The following MAP3K4 variants were observed in gnomAD, a reference collection of about 807,000 sequenced individuals.
MAP3K4 encodes the protein MAP three kinase 1.
MAP3K4 carries 67 observed loss-of-function variants against 185.6 expected under a neutral mutation model. That is an observed-to-expected ratio of 0.36 (90% CI 0.30 to 0.44). The LOEUF (loss-of-function observed/expected upper bound fraction) is 0.44, where lower values mean the gene tolerates loss of function less well. Ranked by LOEUF, MAP3K4 falls within the 20% of genes least tolerant of loss-of-function variation. MAP3K4 has a pLI of 1.00. For synonymous variants in MAP3K4, 702 were observed against 710.4 expected (o/e 0.99, Z 0.19); for missense variants, 1,551 against 1,995.1 (o/e 0.78, Z 4.24).
At chr6:161,024,712 G>C (rs938011317) in intron 1 of MAP3K4, among the ~76,000 whole-genome samples, 2 of 152,164 alleles carry the variant, frequency 1.3e-5, no homozygotes, top group East Asian at 3.9e-4. Flanking sequence ...CATATCAGGG[G>C]CACGTGCTGT....
intron 2 of MAP3K4, among the ~76,000 whole-genome samples, chr6:161,047,719 A>G (rs1783800382): frequency 6.6e-6 from 1 of 152,206 alleles, no homozygotes; most frequent in Admixed American, 6.5e-5. Context: ...AGAAGGGACT[A>G]ACTTAAGGAA....
intron 5 of MAP3K4, among the ~76,000 whole-genome samples, chr6:161,078,802 G>C (rs556011406): frequency 2.0e-5 from 3 of 152,196 alleles, no homozygotes; most frequent in African/African-American, 7.2e-5. Context: ...CCGATTAGAA[G>C]TCCATAGGTG....
At position 161,075,105 on chromosome 6, in the gene MAP3K4, T is replaced by C. The variant is rs1466622682; in HGVS notation, c.2097+1493T>C. Among the ~76,000 whole-genome samples, 1 of 152,232 alleles carries C rather than the reference T, an allele frequency of 6.6e-6. No homozygotes were observed. The highest frequency in any genetic ancestry group is 1.5e-5 in the Non-Finnish European group (1 of 68,036). ...CATTTTAATGAGTTAGAAGTTATTC[T>C]CTATATAAAAGACCTGAGTGTGTAA... On this transcript the variant is annotated intron_variant, in intron 5 of 26. Transcript: ENST00000392142. This position sits in a 1 kb window ranked among gnomAD's most constrained non-coding sequence, Gnocchi z 4.3.
chr6:161,018,442 A>G (rs1260767038), intron 1 of MAP3K4, among the ~76,000 whole-genome samples: 1 of 152,244 alleles, frequency 6.6e-6, no homozygotes, highest in Non-Finnish European at 1.5e-5. Flanking sequence ...CATTTGGGAC[A>G]TTCAGTAAAG....
In MAP3K4 at chr6:161,048,726, A is replaced by G. The variant is rs777634514; in HGVS notation, c.454A>G (p.Thr152Ala). The part of the protein sequence containing the change: ...QEKKIRAALR[T>A]TERDRKKNVQ... ...GAAAAAGATCCGAGCAGCTCTTAGA[A>G]CAACAGAGCGTGATCGTAAAAAAAA... The change falls in exon 3 of 27, where the codon ACA becomes GCA. Residue 152 changes from threonine to alanine, a missense_variant. Transcript: ENST00000392142. The surrounding 1 kb of genome is among the most constrained non-coding windows in gnomAD (Gnocchi z 4.7). 1.8e-5 allele frequency: 29 copies of G among 1,613,976 alleles called. No homozygotes were observed. Among genetic ancestry groups the G allele is most frequent in the Non-Finnish European group, 2.3e-5 (27 of 1,180,000 alleles).
At chr6:161,038,193 C>CTTGA (rs1783271325) in intron 2 of MAP3K4, among the ~76,000 whole-genome samples, 1 of 152,250 alleles carries the variant, frequency 6.6e-6, no homozygotes, top group South Asian at 2.1e-4. Flanking sequence ...ATGAATAAGA[C>CTTGA]CTAGTTCCAG....
At chr6:161,001,206 A>G (rs1017403727) in intron 1 of MAP3K4, among the ~76,000 whole-genome samples, 8 of 150,220 alleles carry the variant, frequency 5.3e-5, no homozygotes, top group African/African-American at 1.9e-4. Flanking sequence ...CAAATACTGA[A>G]AAATTTACAA....
At chr6:161,033,925 C>T (rs567983661) in intron 1 of MAP3K4, among the ~76,000 whole-genome samples, 3 of 152,184 alleles carry the variant, frequency 2.0e-5, no homozygotes, top group Admixed American at 2.0e-4. Context: ...TCTAGTCCTT[C>T]GCTGGTTTTT....
intron 1 of MAP3K4, among the ~76,000 whole-genome samples, chr6:161,011,435 G>A (rs35409033): frequency 0.2 from 29,874 of 152,060 alleles, 3,387 homozygotes; most frequent in East Asian, 0.42. Context: ...TGGCAGTCTC[G>A]TATTGGTTGC....
rs967514359 is a variant in MAP3K4 at position 161,008,173 on chromosome 6, G to A, written c.152+16090G>A. On this transcript the variant is annotated intron_variant, in intron 1 of 26. Coordinates refer to ENST00000392142, the MANE Select transcript of MAP3K4 (RefSeq NM_005922.4). This position sits in a 1 kb window ranked among gnomAD's most constrained non-coding sequence, Gnocchi z 4.1. ...GTCTACCAGTAGGAACCTTTGTTGG[G>A]TAGCAATTGCATACTCATTTTCACT... is the stretch of plus-strand genomic sequence containing the variant. Among the ~76,000 whole-genome samples the A allele has an allele frequency of 8.5e-5, 13 of 152,186 alleles. No individual in the cohort carries two copies. The South Asian group carries it at 1.0e-3, about 12-fold the overall frequency.
At chr6:161,040,060 C>T (rs534470206) in intron 2 of MAP3K4, among the ~76,000 whole-genome samples, 6 of 152,114 alleles carry the variant, frequency 3.9e-5, no homozygotes, top group Admixed American at 1.3e-4. Context: ...AGATATTGTG[C>T]GTGTCATTCT....
At chr6:161,085,293 C>T (rs1311235165) in intron 7 of MAP3K4, among the ~76,000 whole-genome samples, 1 of 152,112 alleles carries the variant, frequency 6.6e-6, no homozygotes, top group Non-Finnish European at 1.5e-5. Context: ...ATTTTAATGA[C>T]ATTTGGTACA....
intron 1 of MAP3K4, among the ~76,000 whole-genome samples, chr6:161,004,582 G>A (rs1165274614): frequency 6.6e-6 from 1 of 152,142 alleles, no homozygotes; most frequent in African/African-American, 2.4e-5. Flanking sequence ...AGGTGCAAAT[G>A]ATATTTATGA....
At chr6:161,062,048 G>A (rs1342008683) in intron 3 of MAP3K4, among the ~76,000 whole-genome samples, 4 of 152,110 alleles carry the variant, frequency 2.6e-5, no homozygotes, top group Non-Finnish European at 5.9e-5. Context: ...CTTTTTGGAA[G>A]TATGTAGTTT....
intron 11 of MAP3K4, 138 bp downstream of exon 11, chr6:161,089,609 A>G (rs950108775): frequency 1.3e-6 from 1 of 744,842 alleles, no homozygotes; most frequent in Non-Finnish European, 2.1e-6. Flanking sequence ...TTCCCAATAC[A>G]TATTTTCTTA....
intron 3 of MAP3K4, among the ~76,000 whole-genome samples, chr6:161,062,077 T>C (rs1208584068): frequency 6.6e-6 from 1 of 152,216 alleles, no homozygotes; most frequent in East Asian, 1.9e-4. Flanking sequence ...TATTTACTTT[T>C]AATGTTTAAG....
intron 15 of MAP3K4, among the ~76,000 whole-genome samples, chr6:161,095,675 CTG>C (rs1251254649): frequency 6.6e-6 from 1 of 152,204 alleles, no homozygotes; most frequent in African/African-American, 2.4e-5. Flanking sequence ...ATTGGCCACA[CTG>C]TGGCCGTCAT....
At chr6:161,024,124 A>G (rs185499810) in intron 1 of MAP3K4, among the ~76,000 whole-genome samples, 20 of 152,118 alleles carry the variant, frequency 1.3e-4, no homozygotes, top group African/African-American at 4.6e-4. Context: ...GCAGCACCAA[A>G]CCTGGCTAAT....
At chr6:161,027,492 A>G (rs1392622765) in intron 1 of MAP3K4, among the ~76,000 whole-genome samples, 1 of 152,208 alleles carries the variant, frequency 6.6e-6, no homozygotes, top group Admixed American at 6.5e-5. Flanking sequence ...TAGGAAGAAA[A>G]ATCATGAACA....
Sources: gnomAD v4.1 joint callset for allele counts (sites outside exome capture counted in the v4.1 genomes callset) on GRCh38, gnomAD v4.1.1 for gene constraint, Gnocchi (gnomAD v3.1) non-coding constraint, MANE v1.5 for transcripts, NCBI Gene and HGNC (gene_info 2026-07-23, HGNC 2026-07-21) for gene names.